Variants in NUP160 observed in about 807,000 individuals in gnomAD.
NUP160 encodes nuclear pore complex protein Nup160.
In NUP160, 94 loss-of-function variants were observed where a neutral mutation model predicts 196.9. That is an observed-to-expected ratio of 0.48 (90% CI 0.40 to 0.57). NUP160 has a LOEUF of 0.57. Ranked by LOEUF, NUP160 falls within the 20% of genes least tolerant of loss-of-function variation. NUP160 has a pLI of 0.00. For synonymous variants in NUP160, 605 were observed against 619.7 expected, an observed-to-expected ratio of 0.98 and a Z score of 0.35; for missense variants, 1,638 against 1,748.3, an observed-to-expected ratio of 0.94 and a Z score of 1.13.
intron 34 of NUP160, among the ~76,000 whole-genome samples, chr11:47,781,753 AAC>A (rs1191432010): frequency 4.6e-5 from 7 of 152,212 alleles, no homozygotes; most frequent in Admixed American, 4.6e-4. Context: ...GTAGAGACTT[AAC>A]ACAGTCCCGG....
intron 2 of NUP160, 67 bp from the exon 3 acceptor site, chr11:47,840,655 A>T (rs1852277750): frequency 1.5e-6 from 2 of 1,299,188 alleles, no homozygotes; most frequent in Non-Finnish European, 1.1e-6. Flanking sequence ...ACTGAAATAT[A>T]TGAGAACAGT....
At chr11:47,789,472 T>C (rs1282493332) in intron 29 of NUP160, among the ~76,000 whole-genome samples, 3 of 151,782 alleles carry the variant, frequency 2.0e-5, no homozygotes, top group African/African-American at 7.3e-5. Context: ...CAAAAGAACT[T>C]GATAAAAAAA....
intron 31 of NUP160, among the ~76,000 whole-genome samples, chr11:47,787,845 G>A (rs1161463712): frequency 6.6e-6 from 1 of 152,070 alleles, no homozygotes; most frequent in Non-Finnish European, 1.5e-5. Context: ...AGCCTCCCGA[G>A]TAGCTGGGAC....
At chr11:47,806,113 C>T in intron 20 of NUP160, 40 bp downstream of exon 20, 1 of 1,601,316 alleles carries the variant, frequency 6.2e-7, no homozygotes, top group Non-Finnish European at 8.6e-7. Flanking sequence ...CATGCCCGGC[C>T]AGAAGAGAGC....
Position 47,797,892 on chromosome 11 carries a change from A to T in NUP160, c.3184-8T>A, listed in dbSNP as rs2097671761. 1 of 1,604,340 alleles carries T rather than the reference A, an allele frequency of 6.2e-7. No homozygotes were observed. The highest frequency in any genetic ancestry group is 8.5e-7 in the Non-Finnish European group (1 of 1,172,620). On this transcript the variant is annotated splice_polypyrimidine_tract_variant and splice_region_variant and intron_variant, in intron 26 of 35. Transcript: ENST00000378460. ...CTCAATTATTCCCACAACCTAGGGA[A>T]GGGGAAGCAATCAGATAACTAAGTC...
At chr11:47,791,167 T>TA (rs2097667700) in intron 29 of NUP160, among the ~76,000 whole-genome samples, 1 of 151,724 alleles carries the variant, frequency 6.6e-6, no homozygotes, top group South Asian at 2.1e-4. Context: ...TCTTTTTTTT[T>TA]ACAATGTTCC....
intron 2 of NUP160, among the ~76,000 whole-genome samples, chr11:47,842,996 AC>A (rs1013518595): frequency 6.6e-6 from 1 of 152,020 alleles, no homozygotes; most frequent in Non-Finnish European, 1.5e-5. Flanking sequence ...CTAAAAAAAA[AC>A]AAACAAACAA....
intron 35 of NUP160, among the ~76,000 whole-genome samples, chr11:47,780,092 T>C (rs916709822): frequency 6.6e-6 from 1 of 152,220 alleles, no homozygotes; most frequent in Non-Finnish European, 1.5e-5. Context: ...AATTAAAAGC[T>C]TTAAAGGATG....
intron 2 of NUP160, 134 bp downstream of exon 2, chr11:47,847,714 C>G (rs1852427195): frequency 1.6e-6 from 1 of 611,632 alleles, no homozygotes; most frequent in Non-Finnish European, 3.0e-6. Flanking sequence ...GATTCTGATA[C>G]GAACTGAAAA....
At chr11:47,796,702 A>T (rs1436208416) in intron 27 of NUP160, among the ~76,000 whole-genome samples, 1 of 152,222 alleles carries the variant, frequency 6.6e-6, no homozygotes, top group Non-Finnish European at 1.5e-5. Flanking sequence ...TCACCAGGAT[A>T]TCATTTGATA....
chr11:47,847,654 G>T (rs1424849607), intron 2 of NUP160, among the ~76,000 whole-genome samples, 194 bp downstream of exon 2: 1 of 122,400 alleles, frequency 8.2e-6, no homozygotes, highest in Admixed American at 9.0e-5. Context: ...GGGGTGGGGG[G>T]GGGGAGGGGG....
In NUP160 at chr11:47,840,358, A is replaced by T. The variant is rs749445332; in HGVS notation, c.525+20T>A. On this transcript the variant is annotated intron_variant, in intron 3 of 35. Coordinates refer to ENST00000378460, the Ensembl canonical transcript of NUP160. ...CAGAGTAATTTGGGAAATAAAAGAT[A>T]TTGCACTTAGCCAACTTACACTCCT... 1.9e-6 allele frequency: 3 copies of T among 1,588,618 alleles called. No individual in the cohort carries two copies. In the Admixed American group the frequency reaches 5.0e-5, roughly 26 times the overall value.
rs1232935653 is a variant in NUP160, at chr11:47,836,869, T to G, written c.942+18A>C. 1 of 1,411,794 alleles carries G rather than the reference T, an allele frequency of 7.1e-7. No homozygotes were observed. Among genetic ancestry groups the G allele is most frequent in the Non-Finnish European group, 1.0e-6 (1 of 999,508 alleles). 87.5% of individuals were successfully genotyped at this position (1,411,794 alleles called of 1,614,324 possible). ...CAATCCTGTTTTAACTTACAGCAACTATAAATGTAGCACTTACCTTGTAAG... is the reference window on the plus strand; with the variant it reads ...CAATCCTGTTTTAACTTACAGCAACGATAAATGTAGCACTTACCTTGTAAG... On this transcript the variant is annotated intron_variant, in intron 6 of 35. Transcript: ENST00000378460.
intron 27 of NUP160, among the ~76,000 whole-genome samples, chr11:47,794,056 G>A (rs1439741347): frequency 2.6e-5 from 4 of 152,140 alleles, no homozygotes; most frequent in Non-Finnish European, 5.9e-5. Context: ...GTGGTAAAAT[G>A]GTGGTTGCCA....
At chr11:47,832,736 T>C (rs550996900) in intron 7 of NUP160, among the ~76,000 whole-genome samples, 65 of 152,368 alleles carry the variant, frequency 4.3e-4, no homozygotes, top group African/African-American at 1.5e-3. Context: ...GTCTCCTGTT[T>C]AGCTGGCTCT....
chr11:47,809,207 T>C (rs978647205), intron 17 of NUP160, among the ~76,000 whole-genome samples: 6 of 147,134 alleles, frequency 4.1e-5, no homozygotes, highest in Non-Finnish European at 5.9e-5. Flanking sequence ...TGGGCCGAGA[T>C]TGAGCCACTG....
At chr11:47,791,158 C>CCT (rs1554998011) in intron 29 of NUP160, among the ~76,000 whole-genome samples, 2 of 150,956 alleles carry the variant, frequency 1.3e-5, no homozygotes, top group Admixed American at 6.6e-5. Flanking sequence ...ATTTTCTCTT[C>CCT]TTTTTTTTTA....
chr11:47,839,848 A>G, exon 4 of NUP160: 1 of 1,611,448 alleles, frequency 6.2e-7, no homozygotes, highest in Non-Finnish European at 8.5e-7. Context: ...CTTACCAGGT[A>G]TGTCATAAGG....
chr11:47,779,573 C>T (rs1337900722), intron 35 of NUP160: 1 of 519,352 alleles, frequency 1.9e-6, no homozygotes, highest in Non-Finnish European at 3.8e-6. Flanking sequence ...CACTCTATCT[C>T]ACTGGTAAAC....
Sources: gnomAD v4.1 joint callset for allele counts (sites outside exome capture counted in the v4.1 genomes callset) on GRCh38, gnomAD v4.1.1 for gene constraint, MANE v1.5 for transcripts, NCBI Gene and HGNC (gene_info 2026-07-23, HGNC 2026-07-21) for gene names.